BAAT: variants seen among roughly 807,000 people sequenced by gnomAD.
BAAT encodes bile acid CoA: amino acid N-acyltransferase (glycine N-choloyltransferase).
BAAT carries 13 observed loss-of-function variants against 18.9 expected under a neutral mutation model. The ratio of observed to expected loss-of-function variants is 0.69; its 90% CI spans 0.45 to 1.10. The LOEUF (loss-of-function observed/expected upper bound fraction) is 1.10, where lower values mean the gene tolerates loss of function less well. Among genes scored for constraint, BAAT ranks in the 50% least tolerant of loss-of-function variants. The probability of loss-of-function intolerance (pLI) is 0.00; values close to 1 mark genes in which losing one functional copy is unlikely to be tolerated. For missense variants in BAAT, 489 were observed against 504.0 expected (o/e 0.97, Z 0.28); for synonymous variants, 170 against 190.7 (o/e 0.89, Z 0.89).
chr9:101,368,372 A>G (rs750132772), intron 2 of BAAT, 50 bp from the exon 3 acceptor site: 1 of 1,534,276 alleles, frequency 6.5e-7, no homozygotes, highest in South Asian at 1.2e-5. Context: ...TGTGGAAAAG[A>G]TAAGAAAACT....
chr9:101,374,057 G>A (rs538583849), intron 1 of BAAT, among the ~76,000 whole-genome samples: 67 of 152,054 alleles, frequency 4.4e-4, no homozygotes, highest in African/African-American at 1.5e-3. Flanking sequence ...AGGACTTTAC[G>A]CCTATTAATT....
At chr9:101,364,758 CCTAA>C (rs754555247) in intron 3 of BAAT, among the ~76,000 whole-genome samples, 7 of 152,142 alleles carry the variant, frequency 4.6e-5, no homozygotes, top group Non-Finnish European at 7.4e-5. Flanking sequence ...CAGTTTTTTT[CCTAA>C]CTAAGGAGGA....
chr9:101,363,101 G>T, intron 3 of BAAT, 86 bp from the exon 4 acceptor site: 1 of 1,285,080 alleles, frequency 7.8e-7, no homozygotes. Context: ...AACTTCACTG[G>T]CTAATGAGAA....
chr9:101,384,021 G>A (rs901244152), intron 1 of BAAT, among the ~76,000 whole-genome samples: 6 of 152,086 alleles, frequency 3.9e-5, no homozygotes, highest in Non-Finnish European at 7.4e-5. Context: ...GCTACAGAAC[G>A]GAGTGTTAGT....
chr9:101,362,761 T>C lies in BAAT; in HGVS notation c.924A>G (p.Gln308=), dbSNP rs769751658. Residue 308 remains glutamine (Q), a synonymous_variant, in exon 4 of 4, where the codon CAA becomes CAG. Coordinates refer to ENST00000259407, the MANE Select transcript of BAAT (RefSeq NM_001701.4). ...TFETTQVGAS[Q]YLFPIEEAQG... The stretch of plus-strand genomic sequence containing the variant: ...GGGCCTCTTCAATAGGAAACAAATA[T>C]TGACTGGCCCCAACTTGAGTTGTCT... 8.1e-6 allele frequency: 13 copies of C among 1,614,062 alleles called. No individual in the cohort carries two copies. Among genetic ancestry groups the C allele is most frequent in the South Asian group, 6.6e-5 (6 of 91,096 alleles).
chr9:101,381,603 G>A (rs1394879212), intron 1 of BAAT, among the ~76,000 whole-genome samples: 4 of 152,002 alleles, frequency 2.6e-5, no homozygotes, highest in African/African-American at 9.7e-5. Flanking sequence ...AAAGCAAGTG[G>A]TTATTTTTCA....
At chr9:101,377,917 C>T (rs1830073013) in intron 1 of BAAT, among the ~76,000 whole-genome samples, 1 of 152,070 alleles carries the variant, frequency 6.6e-6, no homozygotes, top group African/African-American at 2.4e-5. Context: ...TCTCAGGATA[C>T]AAAATCAATG....
At position 101,368,288 on chromosome 9, in the gene BAAT, A is replaced by G. The variant is rs1417140474; in HGVS notation, c.501T>C (p.Phe167=). ...ATTCAAGCAGCCCACCCAAACCACC[A>G]AACAAATCAATTACCCCTGGGAAGA... is the stretch of plus-strand genomic sequence containing the variant. ...EGLFPGVIDL[F]GGLGGLLEFR... The change falls in exon 3 of 4, where the codon TTT becomes TTC. Residue 167 remains phenylalanine (F), a synonymous_variant. Coordinates refer to ENST00000259407, the MANE Select transcript of BAAT (RefSeq NM_001701.4). 6.2e-7 allele frequency: 1 copy of G among 1,613,148 alleles called. No individual in the cohort carries two copies. Among genetic ancestry groups the G allele is most frequent in the East Asian group, 2.2e-5 (1 of 44,856 alleles).
At position 101,371,349 on chromosome 9, in the gene BAAT, A is replaced by C; in HGVS notation, c.56T>G (p.Ile19Ser). The C allele has an allele frequency of 6.2e-7, 1 of 1,613,732 alleles. No individual in the cohort carries two copies. The change falls in exon 2 of 4, where the codon ATC (isoleucine) becomes AGC (serine). Residue 19 changes from isoleucine (I) to serine (S), a missense_variant. By Grantham distance (142) the Ile-to-Ser change is moderately radical (BLOSUM62 -2). Coordinates refer to ENST00000259407, the MANE Select transcript of BAAT (RefSeq NM_001701.4). ...AAAGGGAATCAGGCCTGTAGCTCGG[A>C]TATGCACTGGCTCATCAACAAGTGC... ...VSALVDEPVHIRATGLIPFQM... is the reference protein window; with the variant it reads ...VSALVDEPVHSRATGLIPFQM...
chr9:101,380,974 C>G (rs1361659057), intron 1 of BAAT, among the ~76,000 whole-genome samples: 1 of 151,676 alleles, frequency 6.6e-6, no homozygotes, highest in African/African-American at 2.4e-5. Context: ...TCAGGCTGGT[C>G]TCAAACTCCT....
intron 1 of BAAT, among the ~76,000 whole-genome samples, chr9:101,374,211 T>G (rs1830002191): frequency 6.6e-6 from 1 of 152,208 alleles, no homozygotes. Flanking sequence ...GTTTCTCATC[T>G]CAGTTACCTG....
intron 3 of BAAT, 129 bp downstream of exon 3, chr9:101,367,991 G>T: frequency 1.0e-6 from 1 of 966,068 alleles, no homozygotes; most frequent in Non-Finnish European, 1.6e-6. Flanking sequence ...ACTGGCTTCT[G>T]GCCAAGTGTC....
At chr9:101,380,406 GTT>G (rs1830113102) in intron 1 of BAAT, among the ~76,000 whole-genome samples, 1 of 152,142 alleles carries the variant, frequency 6.6e-6, no homozygotes, top group Non-Finnish European at 1.5e-5. Context: ...CCTATTAAAT[GTT>G]TCTCTCTGAG....
In BAAT at chr9:101,371,182, G is replaced by A. The variant is rs554475990; in HGVS notation, c.223C>T (p.Pro75Ser). ...SLGGDYMGVH[P>S]MGLFWSLKPE... The stretch of plus-strand genomic sequence containing the variant: ...TTCAGAGACCAGAAGAGACCCATGG[G>A]GTGGACTCCCATATAATCCCCTCCA... Residue 75 changes from proline to serine, a missense_variant, in exon 2 of 4, where the codon CCC (proline) becomes TCC (serine). Pro to Ser is a moderately conservative substitution (Grantham distance 74). Coordinates refer to ENST00000259407, the MANE Select transcript of BAAT (RefSeq NM_001701.4). The A allele has an allele frequency of 1.8e-5, 29 of 1,614,058 alleles. No individual in the cohort carries two copies. The Admixed American group carries it at 3.0e-4, about 17-fold the overall frequency.
intron 1 of BAAT, chr9:101,376,380 C>G (rs1044194273): frequency 3.1e-5 from 6 of 196,446 alleles, no homozygotes; most frequent in Non-Finnish European, 5.6e-5. Flanking sequence ...TGTGCTCAGA[C>G]TAGTCTTACC....
rs148170396 is a variant in BAAT, at chr9:101,362,577, G to A, written c.1108C>T (p.Pro370Ser). Residue 370 changes from proline (P) to serine (S), a missense_variant, in exon 4 of 4, where the codon CCT becomes TCT. Transcript: ENST00000259407. The stretch of plus-strand genomic sequence containing the variant: ...TGGGTCGTTGAGGCACAGCACAGAG[G>A]AGAATAGGGAGGTTCTATCAGGTGG... ...AGHLIEPPYS[P>S]LCCASTTHDL... is the part of the protein sequence containing the mutation. 2 of 1,614,032 alleles carry A rather than the reference G, an allele frequency of 1.2e-6. No individual in the cohort carries two copies. Among genetic ancestry groups the A allele is most frequent in the African/African-American group, 1.3e-5 (1 of 74,926 alleles).
At chr9:101,367,399 C>T (rs931781086) in intron 3 of BAAT, among the ~76,000 whole-genome samples, 5 of 152,022 alleles carry the variant, frequency 3.3e-5, no homozygotes, top group Non-Finnish European at 5.9e-5. Flanking sequence ...AAGGCTGAAG[C>T]AGTATGTAGA....
At chr9:101,363,591 A>G (rs996229546) in intron 3 of BAAT, among the ~76,000 whole-genome samples, 4 of 152,096 alleles carry the variant, frequency 2.6e-5, no homozygotes, top group Admixed American at 2.6e-4. Flanking sequence ...ACAGAGAGAA[A>G]AGGAACAATC....
At chr9:101,382,534 G>A (rs561666007) in intron 1 of BAAT, among the ~76,000 whole-genome samples, 1 of 152,266 alleles carries the variant, frequency 6.6e-6, no homozygotes, top group African/African-American at 2.4e-5. Context: ...GATGAACGAG[G>A]CACTTGACCT....
Sources: gnomAD v4.1 joint callset for allele counts (sites outside exome capture counted in the v4.1 genomes callset) on GRCh38, gnomAD v4.1.1 for gene constraint, MANE v1.5 for transcripts, NCBI Gene and HGNC (gene_info 2026-07-23, HGNC 2026-07-21) for gene names.